The following CAMK1G variants were observed in gnomAD, a reference collection of about 807,000 sequenced individuals.
The protein encoded by CAMK1G is calcium/calmodulin-dependent protein kinase type 1G.
In CAMK1G, 27 loss-of-function variants were observed where a neutral mutation model predicts 54.8. The observed-to-expected ratio is 0.49, with a 90% CI of 0.36 to 0.68. The LOEUF is 0.68. CAMK1G is among the 30% of genes least tolerant of loss of function. CAMK1G has a pLI of 0.00. For missense variants in CAMK1G, 512 were observed against 591.0 expected (o/e 0.87, Z 1.39); for synonymous variants, 238 against 224.9 (o/e 1.06, Z -0.52).
chr1:209,611,541 A>T lies in CAMK1G; in HGVS notation c.904A>T (p.Ser302Cys). ...CCAGATCCAGAAGAACTTTGCTAAGAGCAAGTGGAGGGTAAGCTGTCCTCT... is the reference window on the plus strand; with the variant it reads ...CCAGATCCAGAAGAACTTTGCTAAGTGCAAGTGGAGGGTAAGCTGTCCTCT... ...SLQIQKNFAK[S>C]KWRQAFNAAA... Residue 302 changes from serine to cysteine, a missense_variant, in exon 10 of 13, where the codon AGC becomes TGC. Coordinates refer to ENST00000361322, the MANE Select transcript of CAMK1G (RefSeq NM_020439.3). The T allele has an allele frequency of 6.2e-7, 1 of 1,613,988 alleles. No individual in the cohort carries two copies. The highest frequency in any genetic ancestry group is 1.1e-5 in the South Asian group (1 of 91,070).
chr1:209,602,599 G>A (rs1665557192), intron 3 of CAMK1G, among the ~76,000 whole-genome samples: 1 of 152,132 alleles, frequency 6.6e-6, no homozygotes, highest in African/African-American at 2.4e-5. Context: ...GACCTCATGT[G>A]ACAGGTCACA....
At position 209,597,065 on chromosome 1, in the gene CAMK1G, C is replaced by T. The variant is rs1665408115; in HGVS notation, c.92+1990C>T. Among the ~76,000 whole-genome samples, 3 of 152,204 alleles carry T rather than the reference C, an allele frequency of 2.0e-5. No individual in the cohort carries two copies. In the South Asian group the frequency reaches 6.2e-4, roughly 32 times the overall value. On this transcript the variant is annotated intron_variant, in intron 2 of 12. Transcript: ENST00000361322. ...AGTTAGAGCTGAGCGAAAGAGAAGACATCTCAGTGGTGCTCAGGATGAAGA... is the reference window on the plus strand; with the variant it reads ...AGTTAGAGCTGAGCGAAAGAGAAGATATCTCAGTGGTGCTCAGGATGAAGA...
chr1:209,605,853 A>C (rs542593895), intron 5 of CAMK1G, among the ~76,000 whole-genome samples, 179 bp downstream of exon 5: 1 of 152,254 alleles, frequency 6.6e-6, no homozygotes, highest in Non-Finnish European at 1.5e-5. Flanking sequence ...ACTAATTTGC[A>C]CCTCAATTTT....
intron 1 of CAMK1G, among the ~76,000 whole-genome samples, chr1:209,586,792 G>A (rs1665113690): frequency 1.3e-5 from 2 of 152,060 alleles, no homozygotes; most frequent in Non-Finnish European, 2.9e-5. Context: ...AGAATAAGCA[G>A]CATACCCTGC....
intron 1 of CAMK1G, among the ~76,000 whole-genome samples, chr1:209,592,711 T>A (rs1022899790): frequency 1.3e-5 from 2 of 152,240 alleles, no homozygotes; most frequent in Non-Finnish European, 2.9e-5. Context: ...CTACACCATC[T>A]GTCTCCCCAT....
intron 2 of CAMK1G, among the ~76,000 whole-genome samples, chr1:209,599,116 G>C (rs1665457200): frequency 6.6e-6 from 1 of 152,190 alleles, no homozygotes; most frequent in Non-Finnish European, 1.5e-5. Context: ...AAAGGGGGAA[G>C]AGCCCCTTAT....
intron 3 of CAMK1G, 33 bp downstream of exon 3, chr1:209,600,144 T>C (rs1324410280): frequency 8.7e-6 from 14 of 1,603,516 alleles, no homozygotes; most frequent in Non-Finnish European, 1.2e-5. Context: ...TGGATCACTA[T>C]GGGATCACAA....
intron 1 of CAMK1G, among the ~76,000 whole-genome samples, chr1:209,587,990 A>C (rs890447025): frequency 1.3e-5 from 2 of 152,190 alleles, no homozygotes; most frequent in Non-Finnish European, 1.5e-5. Context: ...AAGAATGGAA[A>C]ATCCCGGAAG....
intron 1 of CAMK1G, 64 bp from the exon 2 acceptor site, chr1:209,594,891 C>A: frequency 1.1e-6 from 1 of 926,592 alleles, no homozygotes; most frequent in African/African-American, 1.7e-5. Context: ...TGTTTTTAAT[C>A]TTGTTTGAGA....
At chr1:209,595,921 C>G (rs1256120305) in intron 2 of CAMK1G, among the ~76,000 whole-genome samples, 2 of 152,228 alleles carry the variant, frequency 1.3e-5, no homozygotes, top group East Asian at 3.9e-4. Context: ...GCTGCAGACT[C>G]TGACGCAGGC....
intron 1 of CAMK1G, among the ~76,000 whole-genome samples, chr1:209,591,217 C>G (rs1665241728): frequency 6.6e-6 from 1 of 152,178 alleles, no homozygotes; most frequent in Admixed American, 6.5e-5. Context: ...TGGCCAGTGC[C>G]TGCATCCTGA....
chr1:209,597,509 G>T (rs1665419262), intron 2 of CAMK1G, among the ~76,000 whole-genome samples: 1 of 152,152 alleles, frequency 6.6e-6, no homozygotes, highest in African/African-American at 2.4e-5. Flanking sequence ...TTGCTTACTT[G>T]TCCCTGTTCC....
intron 8 of CAMK1G, among the ~76,000 whole-genome samples, chr1:209,609,646 G>A (rs763601805): frequency 7.2e-5 from 11 of 152,178 alleles, no homozygotes; most frequent in Non-Finnish European, 1.6e-4. Flanking sequence ...TGGGTGAGGC[G>A]GCTTGGAGCT....
At chr1:209,591,140 G>T (rs1439434513) in intron 1 of CAMK1G, among the ~76,000 whole-genome samples, 1 of 151,978 alleles carries the variant, frequency 6.6e-6, no homozygotes, top group African/African-American at 2.4e-5. Flanking sequence ...GGGTCCATTT[G>T]TCTCCACCTT....
chr1:209,596,227 A>G (rs1665378531), intron 2 of CAMK1G, among the ~76,000 whole-genome samples: 1 of 152,218 alleles, frequency 6.6e-6, no homozygotes, highest in South Asian at 2.1e-4. Flanking sequence ...GGTGCTGGTC[A>G]TGAGAGCATT....
intron 1 of CAMK1G, among the ~76,000 whole-genome samples, chr1:209,588,575 G>C (rs1364968414): frequency 6.6e-6 from 1 of 152,220 alleles, no homozygotes; most frequent in Non-Finnish European, 1.5e-5. Context: ...ACTTTGGGTA[G>C]GTAGGCCACA....
chr1:209,612,937 T>C (rs976126658), intron 12 of CAMK1G, 25 bp downstream of exon 12: 88 of 1,195,932 alleles, frequency 7.4e-5, no homozygotes, highest in Non-Finnish European at 9.9e-5. Context: ...AGTGTGAGGC[T>C]TGGGGAGAGT....
intron 3 of CAMK1G, 58 bp downstream of exon 3, chr1:209,600,169 A>G: frequency 6.3e-7 from 1 of 1,580,958 alleles, no homozygotes. Flanking sequence ...TTCTTCACAA[A>G]TTACCTTCAA....
Position 209,611,456 on chromosome 1 carries a change from C to A in CAMK1G, c.828-9C>A, listed in dbSNP as rs1003616639. ...CCCAGTAGCCAGGTGTCCCCTCTTACATCCACAGGATTGACGGAAACACAG... is the reference window on the plus strand; with the variant it reads ...CCCAGTAGCCAGGTGTCCCCTCTTAAATCCACAGGATTGACGGAAACACAG... On this transcript the variant is annotated splice_polypyrimidine_tract_variant and intron_variant, in intron 9 of 12. Coordinates refer to ENST00000361322, the MANE Select transcript of CAMK1G (RefSeq NM_020439.3). 4.3e-6 allele frequency: 7 copies of A among 1,613,888 alleles called. No individual in the cohort carries two copies. Among genetic ancestry groups the A allele is most frequent in the Non-Finnish European group, 5.9e-6 (7 of 1,179,872 alleles).
Sources: allele counts gnomAD v4.1 joint callset (sites outside exome capture counted in the v4.1 genomes callset), GRCh38; gene constraint gnomAD v4.1.1; transcripts MANE v1.5; gene names NCBI Gene and HGNC (gene_info 2026-07-23, HGNC 2026-07-21).